TIMMDC1: variants seen among roughly 807,000 people sequenced by gnomAD.
TIMMDC1 encodes complex I assembly factor TIMMDC1, mitochondrial.
TIMMDC1 carries 25 observed loss-of-function variants against 32.6 expected under a neutral mutation model. The ratio of observed to expected loss-of-function variants is 0.77; its 90% CI spans 0.56 to 1.07. The LOEUF is 1.07. Ranked by LOEUF, TIMMDC1 falls within the 50% of genes least tolerant of loss-of-function variation. TIMMDC1 has a pLI of 0.00. For missense variants in TIMMDC1, 329 were observed against 349.2 expected (o/e 0.94, Z 0.46); for synonymous variants, 130 against 127.6 (o/e 1.02, Z -0.13).
rs746444093 is a variant in TIMMDC1, at chr3:119,498,788, T to A, written c.55T>A (p.Phe19Ile). ...CTTTCTCTGTAGAGCATTGTGCCTA[T>A]TTCCCCGAGTCTTTGCTGCCGAAGC... Reference protein sequence around the residue: ...RSFLCRALCLFPRVFAAEAVT... With the variant: ...RSFLCRALCLIPRVFAAEAVT... The change falls in exon 1 of 7, where the codon TTT (phenylalanine) becomes ATT (isoleucine). Residue 19 changes from phenylalanine to isoleucine, a missense_variant. By Grantham distance (21) the Phe-to-Ile change is conservative. Transcript: ENST00000494664. 6.2e-7 allele frequency: 1 copy of A among 1,614,218 alleles called. No homozygotes were observed. The highest frequency in any genetic ancestry group is 8.5e-7 in the Non-Finnish European group (1 of 1,180,038).
rs57262903 is a variant in TIMMDC1, at chr3:119,498,650, C to G, written c.-84C>G. The stretch of plus-strand genomic sequence containing the variant: ...GGGTCAAATGCACGGATTCTCACCT[C>G]GTACAGTTACGCTCTCCCGCGGCAC... On this transcript the variant is annotated 5_prime_UTR_variant, in exon 1 of 7. Transcript: ENST00000494664. The G allele has an allele frequency of 2.9e-6, 4 of 1,363,096 alleles. No homozygotes were observed. The African/African-American group carries it at 4.3e-5, about 15-fold the overall frequency. 84.4% of individuals were successfully genotyped at this position (1,363,096 alleles called of 1,614,324 possible).
At chr3:119,512,847 T>G (rs2081963531) in intron 4 of TIMMDC1, among the ~76,000 whole-genome samples, 1 of 152,106 alleles carries the variant, frequency 6.6e-6, no homozygotes, top group African/African-American at 2.4e-5. Context: ...TTCAAACAAT[T>G]CTTGTGCCTC....
rs1326804153 is a variant in TIMMDC1, at chr3:119,498,829, G to A, written c.96G>A (p.Ser32=). Residue 32 remains serine, a synonymous_variant, in exon 1 of 7, where the codon TCG becomes TCA. Transcript: ENST00000494664. The part of the protein sequence containing the change: ...VFAAEAVTAD[S]EVLEERQKRL... Reference sequence around the variant, plus strand: ...CTGCCGAAGCTGTGACTGCCGATTCGGAAGTCCTTGAGGAGCGTCAGAAGC... The same window carrying A: ...CTGCCGAAGCTGTGACTGCCGATTCAGAAGTCCTTGAGGAGCGTCAGAAGC... 1.9e-6 allele frequency: 3 copies of A among 1,614,050 alleles called. No individual in the cohort carries two copies. Among genetic ancestry groups the A allele is most frequent in the African/African-American group, 2.7e-5 (2 of 74,930 alleles).
intron 6 of TIMMDC1, among the ~76,000 whole-genome samples, chr3:119,518,648 T>C (rs1333698260): frequency 6.6e-6 from 1 of 152,194 alleles, no homozygotes; most frequent in African/African-American, 2.4e-5. Context: ...ATGGAAAAGC[T>C]TAAGAATGGC....
At chr3:119,513,595 C>G in intron 4 of TIMMDC1, 46 bp from the exon 5 acceptor site, 2 of 1,426,804 alleles carry the variant, frequency 1.4e-6, no homozygotes, top group Non-Finnish European at 2.0e-6. Context: ...AAATAGGATT[C>G]TAGTTTTAAA....
intron 6 of TIMMDC1, among the ~76,000 whole-genome samples, chr3:119,520,977 A>G (rs2082022726): frequency 6.6e-6 from 1 of 152,182 alleles, no homozygotes; most frequent in African/African-American, 2.4e-5. Flanking sequence ...AGAAGGAAGG[A>G]AAAAAACCAT....
intron 6 of TIMMDC1, among the ~76,000 whole-genome samples, chr3:119,521,827 G>A (rs1485451341): frequency 6.6e-6 from 1 of 152,144 alleles, no homozygotes; most frequent in African/African-American, 2.4e-5. Context: ...AAACCACAAT[G>A]AAATGTGGTT....
intron 4 of TIMMDC1, among the ~76,000 whole-genome samples, chr3:119,511,487 A>AG (rs1358315185): frequency 8.2e-5 from 12 of 145,874 alleles, no homozygotes; most frequent in African/African-American, 2.7e-4. Flanking sequence ...AAAAAAAAAA[A>AG]GAAAAAAGAA....
intron 4 of TIMMDC1, among the ~76,000 whole-genome samples, chr3:119,505,885 A>G (rs2081915769): frequency 6.6e-6 from 1 of 152,184 alleles, no homozygotes; most frequent in Non-Finnish European, 1.5e-5. Context: ...GTGTACACAC[A>G]TGGGAAAACA....
intron 4 of TIMMDC1, among the ~76,000 whole-genome samples, chr3:119,511,401 C>T (rs960643876): frequency 4.6e-5 from 7 of 151,542 alleles, no homozygotes; most frequent in African/African-American, 1.5e-4. Context: ...AGCTTGAACC[C>T]GGGAGGCAGA....
Position 119,500,665 on chromosome 3 carries a change from C to G in TIMMDC1, c.195-30C>G, listed in dbSNP as rs763666685. The G allele has an allele frequency of 3.1e-6, 5 of 1,596,446 alleles. No homozygotes were observed. The South Asian group carries it at 5.7e-5, about 18-fold the overall frequency. ...GGAGAGCAATGTCCATAAACTAATC[C>G]CAAACAACATTGTCTTTTTGATGTT... On this transcript the variant is annotated intron_variant, in intron 1 of 6. Coordinates refer to ENST00000494664, the MANE Select transcript of TIMMDC1 (RefSeq NM_016589.4).
rs368552654 is a variant in TIMMDC1, at chr3:119,517,207, C to G, written c.599C>G (p.Thr200Ser). 6.2e-7 allele frequency: 1 copy of G among 1,602,206 alleles called. No individual in the cohort carries two copies. The highest frequency in any genetic ancestry group is 8.6e-7 in the Non-Finnish European group (1 of 1,169,558). Residue 200 changes from threonine to serine, a missense_variant and splice_region_variant, in exon 6 of 7, where the codon ACT becomes AGT. By Grantham distance (58) the Thr-to-Ser change is moderately conservative. Coordinates refer to ENST00000494664, the MANE Select transcript of TIMMDC1 (RefSeq NM_016589.4). Reference sequence around the variant, plus strand: ...CTTTCCCTCTCCTTTCTTCTCAGCACTCCTGTAGGAGGCCTGCTGATGGCA... The same window carrying G: ...CTTTCCCTCTCCTTTCTTCTCAGCAGTCCTGTAGGAGGCCTGCTGATGGCA... ...AGGIIGALLG[T>S]PVGGLLMAFQ... is the part of the protein sequence containing the mutation.
intron 2 of TIMMDC1, among the ~76,000 whole-genome samples, chr3:119,501,956 A>G (rs1464351732): frequency 6.6e-6 from 1 of 152,208 alleles, no homozygotes; most frequent in Non-Finnish European, 1.5e-5. Context: ...TTAGAAACCC[A>G]TGATATCTCT....
chr3:119,498,907 C>T lies in TIMMDC1; in HGVS notation c.174C>T (p.Leu58=). ...ACCCGGAATCTGGATGGGACCGCCT[C>T]CGGGAGCTGTTTGGCAAAGAGTAAA... ...PYYPESGWDR[L]RELFGKDEQQ... Residue 58 remains leucine (L), a synonymous_variant, in exon 1 of 7, where the codon CTC becomes CTT. Transcript: ENST00000494664. 6.2e-7 allele frequency: 1 copy of T among 1,613,870 alleles called. No individual in the cohort carries two copies. Among genetic ancestry groups the T allele is most frequent in the Non-Finnish European group, 8.5e-7 (1 of 1,179,928 alleles).
intron 3 of TIMMDC1, 110 bp from the exon 4 acceptor site, chr3:119,503,844 T>C (rs1309512360): frequency 1.0e-6 from 1 of 975,226 alleles, no homozygotes; most frequent in African/African-American, 1.6e-5. Flanking sequence ...GGAACAGGGA[T>C]TGATATAGTA....
At chr3:119,516,545 A>T (rs1167788666) in intron 5 of TIMMDC1, among the ~76,000 whole-genome samples, 1 of 152,228 alleles carries the variant, frequency 6.6e-6, no homozygotes, top group Non-Finnish European at 1.5e-5. Flanking sequence ...TATTAGTATG[A>T]GGTTACTTAA....
intron 2 of TIMMDC1, 26 bp downstream of exon 2, chr3:119,500,886 T>G (rs763501613): frequency 1.3e-6 from 2 of 1,599,824 alleles, no homozygotes; most frequent in Admixed American, 3.5e-5. Flanking sequence ...CTAAAGAAAT[T>G]TGGGGCACAC....
At chr3:119,504,981 G>A (rs2081908702) in intron 4 of TIMMDC1, among the ~76,000 whole-genome samples, 1 of 151,788 alleles carries the variant, frequency 6.6e-6, no homozygotes, top group Admixed American at 6.6e-5. Flanking sequence ...GGGAGGCTGA[G>A]GCAGGAGAAT....
intron 2 of TIMMDC1, among the ~76,000 whole-genome samples, chr3:119,502,879 G>A (rs1409138272): frequency 6.6e-6 from 1 of 152,118 alleles, no homozygotes; most frequent in Non-Finnish European, 1.5e-5. Flanking sequence ...ATTTAATGAT[G>A]ATTCTTCCTG....
Sources: gnomAD v4.1 joint callset for allele counts (sites outside exome capture counted in the v4.1 genomes callset) on GRCh38, gnomAD v4.1.1 for gene constraint, MANE v1.5 for transcripts, NCBI Gene and HGNC (gene_info 2026-07-23, HGNC 2026-07-21) for gene names.